Variants in CA10 observed in about 807,000 individuals in gnomAD.
CA10 encodes carbonic anhydrase 10 (inactive).
CA10 carries 14 observed loss-of-function variants against 44.2 expected under a neutral mutation model. The ratio of observed to expected loss-of-function variants is 0.32; its 90% CI spans 0.21 to 0.50. CA10 has a LOEUF of 0.50. CA10 is among the 20% of genes least tolerant of loss of function. CA10 has a pLI of 0.99. For synonymous variants in CA10, 159 were observed against 141.6 expected, an observed-to-expected ratio of 1.12 and a Z score of -0.87; for missense variants, 350 against 409.7, an observed-to-expected ratio of 0.85 and a Z score of 1.26.
chr17:51,856,690 A>G (rs1216435219), intron 3 of CA10, among the ~76,000 whole-genome samples: 1 of 152,160 alleles, frequency 6.6e-6, no homozygotes, highest in Non-Finnish European at 1.5e-5. Context: ...GGGCAGAAAG[A>G]CAGCTTCAAG....
intron 3 of CA10, among the ~76,000 whole-genome samples, chr17:51,806,498 T>C (rs1907144430): frequency 6.6e-6 from 1 of 152,242 alleles, no homozygotes; most frequent in African/African-American, 2.4e-5. Context: ...ACAAGTAAAT[T>C]AATGGGAAAT....
At chr17:52,151,108 A>C (rs1989693421) in intron 1 of CA10, among the ~76,000 whole-genome samples, 1 of 152,120 alleles carries the variant, frequency 6.6e-6, no homozygotes, top group African/African-American at 2.4e-5. Context: ...ATTAAGTTGC[A>C]CACAAACCTG....
intron 4 of CA10, among the ~76,000 whole-genome samples, chr17:51,672,091 C>T (rs1297348819): frequency 6.6e-6 from 1 of 152,280 alleles, no homozygotes; most frequent in South Asian, 2.1e-4. Flanking sequence ...GTAAGAATTA[C>T]ATAAGTTAGT....
chr17:52,092,918 T>C (rs1434797605), intron 1 of CA10, among the ~76,000 whole-genome samples: 1 of 152,198 alleles, frequency 6.6e-6, no homozygotes, highest in African/African-American at 2.4e-5. Flanking sequence ...TCTATGTAAG[T>C]CCTCACTTAA....
intron 1 of CA10, among the ~76,000 whole-genome samples, chr17:52,146,551 G>C (rs563783442): frequency 4.6e-5 from 7 of 152,102 alleles, no homozygotes; most frequent in African/African-American, 1.4e-4. Flanking sequence ...TCAGCCGGCC[G>C]TGGTGGCGGG....
At chr17:51,743,635 A>C (rs1336027450) in intron 4 of CA10, among the ~76,000 whole-genome samples, 1 of 152,248 alleles carries the variant, frequency 6.6e-6, no homozygotes, top group Non-Finnish European at 1.5e-5. Flanking sequence ...ATTAATCTAT[A>C]GCTCTTCAGA....
At chr17:51,830,128 C>A (rs1244783196) in intron 3 of CA10, among the ~76,000 whole-genome samples, 1 of 138,526 alleles carries the variant, frequency 7.2e-6, no homozygotes, top group East Asian at 2.0e-4. Flanking sequence ...ACCCGGGAGG[C>A]AGAGGTTGCA....
intron 3 of CA10, among the ~76,000 whole-genome samples, chr17:51,903,046 A>G (rs2143934738): frequency 6.6e-6 from 1 of 152,348 alleles, no homozygotes; most frequent in Non-Finnish European, 1.5e-5. Flanking sequence ...GGGGATGCAC[A>G]GTTAATACAG....
At chr17:51,995,729 A>G (rs1783986146) in intron 2 of CA10, among the ~76,000 whole-genome samples, 2 of 152,048 alleles carry the variant, frequency 1.3e-5, no homozygotes, top group South Asian at 2.1e-4. Flanking sequence ...GGATGACTCA[A>G]CTGAGATGGT....
intron 3 of CA10, among the ~76,000 whole-genome samples, chr17:51,913,631 CA>C (rs1256792856): frequency 1.9e-5 from 1 of 53,850 alleles, no homozygotes; most frequent in Admixed American, 1.5e-4. Context: ...GCAGTGCTTG[CA>C]AGAGTGGAGT....
intron 2 of CA10, among the ~76,000 whole-genome samples, chr17:52,026,106 A>C (rs1419607317): frequency 6.6e-6 from 1 of 152,174 alleles, no homozygotes; most frequent in Non-Finnish European, 1.5e-5. Context: ...AGATTCTAGC[A>C]AATATGGGCT....
At chr17:51,989,597 A>G (rs1984968735) in intron 2 of CA10, among the ~76,000 whole-genome samples, 1 of 152,124 alleles carries the variant, frequency 6.6e-6, no homozygotes, top group Non-Finnish European at 1.5e-5. Context: ...TGTGGTACCT[A>G]TAACCATAGA....
chr17:51,733,356 C>G (rs779071458), intron 4 of CA10, among the ~76,000 whole-genome samples: 3 of 152,120 alleles, frequency 2.0e-5, no homozygotes, highest in African/African-American at 7.2e-5. Context: ...TGTTCCGTCT[C>G]GTTTCCAGTT....
intron 1 of CA10, among the ~76,000 whole-genome samples, chr17:52,138,092 A>G (rs1028513730): frequency 3.3e-5 from 5 of 152,196 alleles, no homozygotes; most frequent in African/African-American, 1.2e-4. Flanking sequence ...AGGTGTCAGC[A>G]GGCATGTGTT....
chr17:51,824,023 T>C (rs1388254026), intron 3 of CA10, among the ~76,000 whole-genome samples: 1 of 152,248 alleles, frequency 6.6e-6, no homozygotes, highest in Admixed American at 6.5e-5. Context: ...TTTCATATTA[T>C]TTTTACTGAT....
At chr17:51,726,788 C>G (rs1916539114) in intron 4 of CA10, among the ~76,000 whole-genome samples, 1 of 152,148 alleles carries the variant, frequency 6.6e-6, no homozygotes, top group Admixed American at 6.5e-5. Flanking sequence ...AAATATTTAA[C>G]ATGTATCTAG....
chr17:51,725,779 C>T (rs1298738402), intron 4 of CA10, among the ~76,000 whole-genome samples: 4 of 152,224 alleles, frequency 2.6e-5, no homozygotes, highest in Non-Finnish European at 5.9e-5. Flanking sequence ...TGTAATGGGC[C>T]CTGGGCTTGC....
chr17:51,864,641 CAG>C (rs745313700), intron 3 of CA10, among the ~76,000 whole-genome samples: 6 of 152,126 alleles, frequency 3.9e-5, no homozygotes, highest in Non-Finnish European at 7.4e-5. Context: ...GGAAGTGAAA[CAG>C]AAAACACTGT....
intron 4 of CA10, among the ~76,000 whole-genome samples, chr17:51,713,758 G>A (rs1338318717): frequency 6.6e-6 from 1 of 152,146 alleles, no homozygotes; most frequent in Non-Finnish European, 1.5e-5. Flanking sequence ...CTGTTCCTGG[G>A]TAGGTTCATG....
Sources: gnomAD v4.1 joint callset for allele counts (sites outside exome capture counted in the v4.1 genomes callset) on GRCh38, gnomAD v4.1.1 for gene constraint, MANE v1.5 for transcripts, NCBI Gene and HGNC (gene_info 2026-07-23, HGNC 2026-07-21) for gene names.